Variants in MOB3B observed in about 807,000 individuals in gnomAD.
MOB3B encodes MOB kinase activator-like 2B.
MOB3B carries 7 observed loss-of-function variants against 18.7 expected under a neutral mutation model. The ratio of observed to expected loss-of-function variants is 0.37; its 90% CI spans 0.21 to 0.70. MOB3B has a LOEUF of 0.70. Among genes scored for constraint, MOB3B ranks in the 30% least tolerant of loss-of-function variants. The pLI is 0.52. For missense variants in MOB3B, 253 were observed against 281.3 expected (o/e 0.90, Z 0.72); for synonymous variants, 111 against 99.9 (o/e 1.11, Z -0.66).
chr9:27,474,357 G>A (rs1819520760), intron 1 of MOB3B, among the ~76,000 whole-genome samples: 1 of 152,122 alleles, frequency 6.6e-6, no homozygotes, highest in Admixed American at 6.5e-5. Context: ...TGAGTTCTGA[G>A]GATTTAGAAG....
chr9:27,512,580 G>C (rs1234468693), intron 1 of MOB3B, among the ~76,000 whole-genome samples: 1 of 152,160 alleles, frequency 6.6e-6, no homozygotes, highest in Non-Finnish European at 1.5e-5. Context: ...AGAAAGGCTA[G>C]CATTGCTTGA....
At chr9:27,525,460 A>T (rs1333994874) in intron 1 of MOB3B, among the ~76,000 whole-genome samples, 1 of 152,144 alleles carries the variant, frequency 6.6e-6, no homozygotes, top group African/African-American at 2.4e-5. Context: ...CGGGGGGAAA[A>T]AGGTTGACAT....
chr9:27,482,356 C>T (rs911656677), intron 1 of MOB3B, among the ~76,000 whole-genome samples: 2 of 152,172 alleles, frequency 1.3e-5, no homozygotes, highest in African/African-American at 4.8e-5. Flanking sequence ...TACACCAAGT[C>T]TCCTTTGGGG....
chr9:27,341,989 A>T (rs1445231415), intron 3 of MOB3B, among the ~76,000 whole-genome samples: 2 of 152,326 alleles, frequency 1.3e-5, no homozygotes, highest in East Asian at 3.9e-4. Context: ...GAAAAAAGAA[A>T]GAATATTTTA....
At position 27,506,585 on chromosome 9, in the gene MOB3B, G is replaced by A. The variant is rs1310681624; in HGVS notation, c.-199+22970C>T. ...CTCACTCTGTCACCCAGGCTGGAGT[G>A]CAGTGGCTTGATCTCAGCTCACTGC... On this transcript the variant is annotated intron_variant, in intron 1 of 3. Coordinates refer to ENST00000262244, the MANE Select transcript of MOB3B (RefSeq NM_024761.5). Among the ~76,000 whole-genome samples the A allele has an allele frequency of 3.3e-5, 5 of 151,026 alleles. No homozygotes were observed. The East Asian group carries it at 7.8e-4, about 24-fold the overall frequency.
intron 1 of MOB3B, among the ~76,000 whole-genome samples, chr9:27,515,967 C>T (rs1386116449): frequency 6.6e-6 from 1 of 152,152 alleles, no homozygotes; most frequent in Admixed American, 6.5e-5. Context: ...CTAAGTGTAA[C>T]AAGTAGTGTG....
intron 2 of MOB3B, among the ~76,000 whole-genome samples, chr9:27,440,951 C>T (rs753463521): frequency 2.6e-5 from 4 of 152,018 alleles, no homozygotes; most frequent in Non-Finnish European, 4.4e-5. Flanking sequence ...TGAAACTGTT[C>T]CACCTCAGAT....
chr9:27,466,136 C>T (rs1303450670), intron 1 of MOB3B, among the ~76,000 whole-genome samples: 2 of 152,170 alleles, frequency 1.3e-5, no homozygotes, highest in Non-Finnish European at 2.9e-5. Context: ...TCTTTTAAAA[C>T]AGAATGCATT....
intron 3 of MOB3B, among the ~76,000 whole-genome samples, chr9:27,343,312 C>T (rs1317512895): frequency 6.6e-6 from 1 of 151,406 alleles, no homozygotes; most frequent in Non-Finnish European, 1.5e-5. Context: ...TCCCTAATCT[C>T]AAGTACCCAG....
intron 2 of MOB3B, among the ~76,000 whole-genome samples, chr9:27,363,879 A>T (rs1249757894): frequency 6.6e-6 from 1 of 152,096 alleles, no homozygotes; most frequent in East Asian, 1.9e-4. Context: ...GTAGCTGAGA[A>T]TACAGGCATG....
chr9:27,380,626 G>T (rs535095201), intron 2 of MOB3B, among the ~76,000 whole-genome samples: 292 of 152,210 alleles, frequency 1.9e-3, no homozygotes, highest in Non-Finnish European at 3.6e-3. Flanking sequence ...TCTCATTAAC[G>T]ATGACTCTGG....
chr9:27,391,217 T>C (rs1216121661), intron 2 of MOB3B, among the ~76,000 whole-genome samples: 1 of 152,198 alleles, frequency 6.6e-6, no homozygotes, highest in Non-Finnish European at 1.5e-5. Flanking sequence ...AGGATGGTGT[T>C]TGGCTGAGCA....
chr9:27,473,682 G>A (rs1162941949), intron 1 of MOB3B, among the ~76,000 whole-genome samples: 1 of 152,024 alleles, frequency 6.6e-6, no homozygotes, highest in African/African-American at 2.4e-5. Flanking sequence ...CATTCCCTCA[G>A]CTTCATCAGA....
rs182688187 is a variant in MOB3B at position 27,417,342 on chromosome 9, C to T, written c.418+37791G>A. Among the ~76,000 whole-genome samples, 276 of 152,018 alleles carry T rather than the reference C, an allele frequency of 1.8e-3. 1 individual carries two copies. Among genetic ancestry groups the T allele is most frequent in the African/African-American group, 6.3e-3 (262 of 41,460 alleles). On this transcript the variant is annotated intron_variant, in intron 2 of 3. Transcript: ENST00000262244. ...TTGCGTCACTGTACTCCAGCTTGGG[C>T]GACAGAGCGAGACTCCGTCTCAAAA... is the stretch of plus-strand genomic sequence containing the variant.
At chr9:27,370,000 T>C (rs1821393249) in intron 2 of MOB3B, among the ~76,000 whole-genome samples, 2 of 151,788 alleles carry the variant, frequency 1.3e-5, no homozygotes, top group Admixed American at 1.3e-4. Flanking sequence ...GGATCTTTCT[T>C]GTTCATAGTC....
intron 2 of MOB3B, among the ~76,000 whole-genome samples, chr9:27,446,253 A>T (rs1822691228): frequency 1.3e-5 from 2 of 152,108 alleles, no homozygotes; most frequent in African/African-American, 4.8e-5. Flanking sequence ...TTTAATATGA[A>T]CTATGTGGCA....
At chr9:27,383,258 T>C (rs1395846924) in intron 2 of MOB3B, among the ~76,000 whole-genome samples, 2 of 152,158 alleles carry the variant, frequency 1.3e-5, no homozygotes, top group Non-Finnish European at 2.9e-5. Flanking sequence ...AAAATTCATA[T>C]ATATGGGAGC....
At chr9:27,431,374 G>A (rs1039233686) in intron 2 of MOB3B, among the ~76,000 whole-genome samples, 1 of 152,008 alleles carries the variant, frequency 6.6e-6, no homozygotes, top group African/African-American at 2.4e-5. Flanking sequence ...GGAGAGCCAC[G>A]AAAAAAATGG....
intron 1 of MOB3B, among the ~76,000 whole-genome samples, chr9:27,470,702 C>T (rs1819457696): frequency 1.3e-5 from 2 of 152,198 alleles, no homozygotes; most frequent in Non-Finnish European, 2.9e-5. Context: ...AGGCTTCAAA[C>T]ACAAGCTGCC....
Sources: gnomAD v4.1 joint callset for allele counts (sites outside exome capture counted in the v4.1 genomes callset) on GRCh38, gnomAD v4.1.1 for gene constraint, MANE v1.5 for transcripts, NCBI Gene and HGNC (gene_info 2026-07-23, HGNC 2026-07-21) for gene names.